Variants in FYN observed in about 807,000 individuals in gnomAD.
FYN encodes FYN proto-oncogene, Src family tyrosine kinase, also known as tyrosine-protein kinase Fyn.
FYN carries 10 observed loss-of-function variants against 70.2 expected under a neutral mutation model. That is an observed-to-expected ratio of 0.14 (90% confidence interval 0.09 to 0.24). The LOEUF (loss-of-function observed/expected upper bound fraction) is 0.24. Among genes scored for constraint, FYN ranks in the 10% least tolerant of loss-of-function variants. The pLI, the probability that FYN is intolerant of heterozygous loss-of-function variation, is 1.00. For synonymous variants in FYN, 236 were observed against 248.6 expected, an observed-to-expected ratio of 0.95 and a Z score of 0.48; for missense variants, 319 against 673.1, an observed-to-expected ratio of 0.47 and a Z score of 5.82.
Position 111,810,765 on chromosome 6 carries a change from T to C in FYN, c.-81-30130A>G, listed in dbSNP as rs180776850. Among the ~76,000 whole-genome samples the C allele has an allele frequency of 4.4e-3, 673 of 152,264 alleles. 4 individuals are homozygous for C. The highest frequency in any genetic ancestry group is 0.015 in the African/African-American group (630 of 41,558). ...ACCCACCCTGTGGGTGGAGCAGAAA[T>C]GAATGCTGCCTGGGGCCCTTCCAGG... On this transcript the variant is annotated intron_variant, in intron 2 of 13. Transcript: ENST00000354650.
Position 111,732,859 on chromosome 6 carries a change from C to T in FYN, c.-11-12797G>A, listed in dbSNP as rs181659579. 4.2e-4 allele frequency among the ~76,000 whole-genome samples: 64 copies of T among 152,254 alleles called. No homozygotes were observed. The South Asian group carries it at 8.5e-3, about 20-fold the overall frequency. On this transcript the variant is annotated intron_variant, in intron 3 of 13. Coordinates refer to ENST00000354650, the MANE Select transcript of FYN (RefSeq NM_002037.5). ...GACCACAGGATGGAAGGAACCTGGG[C>T]CCCGGACAGCTTCACGGAGCACAGC...
At chr6:111,700,354 C>T (rs1205359436) in intron 8 of FYN, 86 bp from the exon 9 acceptor site, 29 of 1,376,010 alleles carry the variant, frequency 2.1e-5, no homozygotes, top group Middle Eastern at 2.3e-4. Context: ...CCCACACTAG[C>T]GGCGCACAGT....
At chr6:111,721,430 G>A (rs546658459) in intron 3 of FYN, among the ~76,000 whole-genome samples, 3 of 152,244 alleles carry the variant, frequency 2.0e-5, no homozygotes, top group African/African-American at 4.8e-5. Context: ...TATTAAAGCC[G>A]ATCCCTCCTG....
chr6:111,706,226 C>T (rs1014552822), intron 6 of FYN, among the ~76,000 whole-genome samples: 1 of 152,204 alleles, frequency 6.6e-6, no homozygotes, highest in African/African-American at 2.4e-5. Context: ...GCTGAATGAG[C>T]AGCAGGTGCC....
At chr6:111,838,061 A>G (rs1773244741) in intron 2 of FYN, among the ~76,000 whole-genome samples, 1 of 152,180 alleles carries the variant, frequency 6.6e-6, no homozygotes, top group Non-Finnish European at 1.5e-5. Flanking sequence ...CTCTCCACAG[A>G]CCACACATAC....
At chr6:111,754,342 C>T (rs1404768403) in intron 3 of FYN, 1 of 152,202 alleles carries the variant, frequency 6.6e-6, no homozygotes, top group Non-Finnish European at 1.5e-5. Context: ...TAGGGCACCT[C>T]TCCCACGGGG....
At chr6:111,827,591 G>A (rs1206591118) in intron 2 of FYN, among the ~76,000 whole-genome samples, 2 of 152,144 alleles carry the variant, frequency 1.3e-5, no homozygotes. Flanking sequence ...CAGTGACACT[G>A]GGGGTATACG....
At chr6:111,752,614 G>A (rs1001167820) in intron 3 of FYN, among the ~76,000 whole-genome samples, 2 of 152,236 alleles carry the variant, frequency 1.3e-5, no homozygotes, top group Non-Finnish European at 2.9e-5. Flanking sequence ...TTAGGGAAGA[G>A]TGACAAGTCC....
intron 3 of FYN, among the ~76,000 whole-genome samples, chr6:111,748,139 T>C (rs1239126137): frequency 6.6e-6 from 1 of 152,246 alleles, no homozygotes; most frequent in Non-Finnish European, 1.5e-5. Flanking sequence ...CATACCCGTG[T>C]TGTGAGCTAC....
At chr6:111,869,063 C>A (rs1774194878) in intron 1 of FYN, among the ~76,000 whole-genome samples, 3 of 152,092 alleles carry the variant, frequency 2.0e-5, no homozygotes, top group Admixed American at 2.0e-4. Context: ...ATGAAGTATT[C>A]ATGGCAAAAA....
At chr6:111,725,938 C>A (rs1271675413) in intron 3 of FYN, among the ~76,000 whole-genome samples, 2 of 152,136 alleles carry the variant, frequency 1.3e-5, no homozygotes, top group Non-Finnish European at 2.9e-5. Context: ...CAGGTGAACC[C>A]GTGAACGGTA....
chr6:111,859,844 A>C (rs1400001346), intron 1 of FYN, among the ~76,000 whole-genome samples: 2 of 152,344 alleles, frequency 1.3e-5, no homozygotes, highest in East Asian at 3.9e-4. Flanking sequence ...ATTTGGAAAA[A>C]GGGGTCTTTG....
chr6:111,671,358 C>T (rs1167078201), intron 13 of FYN, among the ~76,000 whole-genome samples: 1 of 152,138 alleles, frequency 6.6e-6, no homozygotes, highest in Non-Finnish European at 1.5e-5. Context: ...ACTTCTGGAC[C>T]TTCTTTCACG....
At chr6:111,664,608 A>G (rs1187425713) in intron 13 of FYN, among the ~76,000 whole-genome samples, 1 of 151,234 alleles carries the variant, frequency 6.6e-6, no homozygotes, top group African/African-American at 2.4e-5. Flanking sequence ...GCGTCTCCCG[A>G]GGCAGTCTTT....
In FYN at chr6:111,845,292, A is replaced by G. The variant is rs73764305; in HGVS notation, c.-82+1297T>C. ...TGGCCTAGTCCAGAAGGGTCACAGT[A>G]TACTGACCTCCCATAGGCGACAGTC... On this transcript the variant is annotated intron_variant, in intron 2 of 13. Coordinates refer to ENST00000354650, the MANE Select transcript of FYN (RefSeq NM_002037.5). Among the ~76,000 whole-genome samples, 192 of 152,242 alleles carry G rather than the reference A, an allele frequency of 1.3e-3. 1 individual carries two copies. The highest frequency in any genetic ancestry group is 4.4e-3 in the African/African-American group (184 of 41,594).
chr6:111,668,654 C>G (rs917372574), intron 13 of FYN, among the ~76,000 whole-genome samples: 2 of 152,118 alleles, frequency 1.3e-5, no homozygotes, highest in Non-Finnish European at 2.9e-5. Context: ...CACGCATTCT[C>G]CCCTGGTCTC....
chr6:111,800,105 T>C (rs1035076029), intron 2 of FYN, among the ~76,000 whole-genome samples: 8 of 152,198 alleles, frequency 5.3e-5, no homozygotes, highest in Admixed American at 6.5e-5. Flanking sequence ...AGTCACTTTG[T>C]GAAGCAGGAT....
At chr6:111,858,085 C>A (rs1372880860) in intron 1 of FYN, among the ~76,000 whole-genome samples, 8 of 152,190 alleles carry the variant, frequency 5.3e-5, no homozygotes, top group African/African-American at 1.9e-4. Context: ...ACCTTTACAT[C>A]CACCCAAGGG....
intron 3 of FYN, among the ~76,000 whole-genome samples, chr6:111,734,439 G>A (rs556798621): frequency 6.6e-6 from 1 of 152,318 alleles, no homozygotes; most frequent in African/African-American, 2.4e-5. Flanking sequence ...ATGGTTTAAA[G>A]TACTCTTTCT....
Sources: allele counts gnomAD v4.1 joint callset (sites outside exome capture counted in the v4.1 genomes callset), GRCh38; gene constraint gnomAD v4.1.1; transcripts MANE v1.5; gene names NCBI Gene and HGNC (gene_info 2026-07-23, HGNC 2026-07-21).